Variants in CCDC102B observed in about 807,000 individuals in gnomAD.
The protein encoded by CCDC102B is coiled-coil domain containing 102B.
In CCDC102B, 75 loss-of-function variants were observed where a neutral mutation model predicts 57.4. The ratio of observed to expected loss-of-function variants is 1.31; its 90% CI spans 1.08 to 1.58. The LOEUF (loss-of-function observed/expected upper bound fraction) is 1.58. Ranked by LOEUF, CCDC102B falls within the 40% of genes most tolerant of loss-of-function variation. The pLI, the probability that CCDC102B is intolerant of heterozygous loss-of-function variation, is 0.00. For missense variants in CCDC102B, 636 were observed against 582.6 expected (o/e 1.09, Z -0.94); for synonymous variants, 206 against 201.9 (o/e 1.02, Z -0.17).
intron 6 of CCDC102B, among the ~76,000 whole-genome samples, chr18:68,956,597 A>ATT (rs1422065187): frequency 3.8e-5 from 2 of 52,870 alleles, no homozygotes; most frequent in Non-Finnish European, 6.3e-5. Context: ...TTATATATAT[A>ATT]TTATATATAT....
intron 6 of CCDC102B, among the ~76,000 whole-genome samples, chr18:68,977,643 T>C (rs1452587876): frequency 6.6e-6 from 1 of 151,910 alleles, no homozygotes; most frequent in Admixed American, 6.6e-5. Flanking sequence ...ACATTAAATA[T>C]GATAATGATG....
chr18:68,841,293 T>G (rs1256601120), intron 3 of CCDC102B, among the ~76,000 whole-genome samples: 2 of 152,146 alleles, frequency 1.3e-5, no homozygotes, highest in African/African-American at 4.8e-5. Context: ...CTCAGAAAAC[T>G]CAGGGACTCA....
chr18:68,924,892 C>G (rs2041423901), intron 6 of CCDC102B, among the ~76,000 whole-genome samples: 1 of 151,992 alleles, frequency 6.6e-6, no homozygotes, highest in Admixed American at 6.6e-5. Flanking sequence ...TCCCAGGGGG[C>G]TAGTTAAAAT....
At chr18:68,830,993 G>T (rs766972323) in intron 1 of CCDC102B, among the ~76,000 whole-genome samples, 1 of 151,806 alleles carries the variant, frequency 6.6e-6, no homozygotes, top group Non-Finnish European at 1.5e-5. Context: ...GGATCTCTCT[G>T]TATTTCTTTA....
intron 5 of CCDC102B, among the ~76,000 whole-genome samples, chr18:68,892,309 T>C (rs185062292): frequency 6.6e-6 from 1 of 152,302 alleles, no homozygotes; most frequent in Admixed American, 6.5e-5. Context: ...TAGTAGCTTG[T>C]GTTCTGGCTC....
intron 2 of CCDC102B, among the ~76,000 whole-genome samples, chr18:68,837,677 G>T (rs2037444327): frequency 6.6e-6 from 1 of 152,014 alleles, no homozygotes. Flanking sequence ...GTGTCTTAAG[G>T]TCTTCTTGTA....
chr18:68,783,000 A>C (rs766854842), intron 2 of CCDC102B, among the ~76,000 whole-genome samples: 1 of 152,168 alleles, frequency 6.6e-6, no homozygotes, highest in African/African-American at 2.4e-5. Flanking sequence ...ATGAGTGTTT[A>C]CTATCTGCCA....
chr18:68,830,869 C>T (rs969668053), intron 1 of CCDC102B, among the ~76,000 whole-genome samples: 10 of 151,824 alleles, frequency 6.6e-5, no homozygotes, highest in African/African-American at 2.2e-4. Context: ...ACTTGGCAGG[C>T]GAAGCACCAT....
chr18:68,957,261 C>T (rs956546838), intron 6 of CCDC102B, among the ~76,000 whole-genome samples: 8 of 151,832 alleles, frequency 5.3e-5, no homozygotes, highest in Admixed American at 3.3e-4. Context: ...TAGTGTGATG[C>T]CTTATATTTA....
intron 1 of CCDC102B, among the ~76,000 whole-genome samples, chr18:68,821,576 A>C (rs887406124): frequency 7.6e-5 from 9 of 117,964 alleles, no homozygotes; most frequent in Non-Finnish European, 1.2e-4. Flanking sequence ...TAGCTCATGC[A>C]CTGCAAAACA....
At chr18:68,953,013 A>G (rs2049742486) in intron 6 of CCDC102B, among the ~76,000 whole-genome samples, 1 of 152,172 alleles carries the variant, frequency 6.6e-6, no homozygotes, top group South Asian at 2.1e-4. Flanking sequence ...AGATTATGAT[A>G]TAGACACACA....
intron 6 of CCDC102B, among the ~76,000 whole-genome samples, chr18:68,948,735 T>A (rs1334404769): frequency 6.6e-6 from 1 of 152,098 alleles, no homozygotes; most frequent in African/African-American, 2.4e-5. Context: ...AATCAACAGC[T>A]TTTCTGTCAT....
At chr18:68,876,898 A>G (rs1261043297) in intron 5 of CCDC102B, among the ~76,000 whole-genome samples, 1 of 152,160 alleles carries the variant, frequency 6.6e-6, no homozygotes, top group East Asian at 1.9e-4. Flanking sequence ...TAAATACTCC[A>G]TTTTTTCAAG....
chr18:68,990,123 G>A (rs914864866), intron 6 of CCDC102B, among the ~76,000 whole-genome samples: 2 of 152,304 alleles, frequency 1.3e-5, no homozygotes, highest in East Asian at 3.9e-4. Flanking sequence ...CATAGGAACA[G>A]GTTACTTTTC....
At chr18:68,995,511 AC>A (rs954938622) in intron 6 of CCDC102B, among the ~76,000 whole-genome samples, 1 of 152,118 alleles carries the variant, frequency 6.6e-6, no homozygotes, top group African/African-American at 2.4e-5. Context: ...AAAGGGGCCA[AC>A]ATACAGCTCA....
At position 68,890,822 on chromosome 18, in the gene CCDC102B, G is replaced by A. The variant is rs182089718; in HGVS notation, c.1054-6397G>A. 2.0e-5 allele frequency among the ~76,000 whole-genome samples: 3 copies of A among 152,040 alleles called. No individual in the cohort carries two copies. The East Asian group carries it at 5.8e-4, about 29-fold the overall frequency. ...AGTAACAATAGACTACTACTCCTTT[G>A]TATGAATATACTGAGATTTATCTAT... On this transcript the variant is annotated intron_variant, in intron 5 of 7. Coordinates refer to ENST00000360242, the MANE Select transcript of CCDC102B (RefSeq NM_024781.3).
chr18:68,808,216 A>C (rs561012006), intron 1 of CCDC102B, among the ~76,000 whole-genome samples: 1 of 152,198 alleles, frequency 6.6e-6, no homozygotes, highest in South Asian at 2.1e-4. Context: ...TTATATTAAG[A>C]TGGAAAGAAT....
intron 6 of CCDC102B, among the ~76,000 whole-genome samples, chr18:68,926,202 A>G (rs1436439366): frequency 6.6e-6 from 1 of 151,940 alleles, no homozygotes; most frequent in Non-Finnish European, 1.5e-5. Flanking sequence ...CAAGAACAAG[A>G]AAAGTTTTGC....
chr18:68,805,288 A>C (rs921514247), intron 1 of CCDC102B, among the ~76,000 whole-genome samples: 1 of 152,222 alleles, frequency 6.6e-6, no homozygotes, highest in Non-Finnish European at 1.5e-5. Context: ...GAAAAATATT[A>C]ATTTCCCTAT....
Sources: allele counts gnomAD v4.1 joint callset (sites outside exome capture counted in the v4.1 genomes callset), GRCh38; gene constraint gnomAD v4.1.1; transcripts MANE v1.5; gene names NCBI Gene and HGNC (gene_info 2026-07-23, HGNC 2026-07-21).